LINGO2: variants seen among roughly 807,000 people sequenced by gnomAD.
LINGO2 encodes the protein leucine rich repeat and Ig domain containing 2.
Under a neutral mutation model 30.6 loss-of-function variants are expected in LINGO2, and 14 were observed. That is an observed-to-expected ratio of 0.46 (90% CI 0.30 to 0.72). The LOEUF is 0.72. Ranked by LOEUF, LINGO2 falls within the 30% of genes least tolerant of loss-of-function variation. The pLI is 0.07. For synonymous variants in LINGO2, 317 were observed against 288.5 expected (o/e 1.10, Z -1.00); for missense variants, 729 against 751.7 (o/e 0.97, Z 0.35).
chr9:28,333,471 C>G (rs953241858), intron 3 of LINGO2, among the ~76,000 whole-genome samples: 1 of 152,054 alleles, frequency 6.6e-6, no homozygotes, highest in Non-Finnish European at 1.5e-5. Context: ...AACTGCATGG[C>G]AAAGTCAAGC....
the LINGO2 span, among the ~76,000 whole-genome samples, chr9:28,868,615 GT>G: frequency 6.6e-6 from 1 of 152,092 alleles, no homozygotes; most frequent in Non-Finnish European, 1.5e-5. Flanking sequence ...GAATAAATGA[GT>G]GCCCCTTTGG....
At chr9:28,123,405 G>A (rs1264388751) in intron 4 of LINGO2, among the ~76,000 whole-genome samples, 1 of 152,134 alleles carries the variant, frequency 6.6e-6, no homozygotes, top group Non-Finnish European at 1.5e-5. Context: ...GGTCAGCAGT[G>A]TCTTCCTGTT....
chr9:27,974,882 G>C (rs1820524057), intron 5 of LINGO2, among the ~76,000 whole-genome samples: 1 of 152,114 alleles, frequency 6.6e-6, no homozygotes, highest in Admixed American at 6.6e-5. Flanking sequence ...TTTAATTCTA[G>C]AAAATTTTGA....
the LINGO2 span, among the ~76,000 whole-genome samples, chr9:28,786,102 G>T: frequency 6.6e-6 from 1 of 152,154 alleles, no homozygotes; most frequent in South Asian, 2.1e-4. Context: ...CTCAAGGCCT[G>T]CTGTGCAAAT....
chr9:28,236,438 AC>A (rs1350268789), intron 4 of LINGO2, among the ~76,000 whole-genome samples: 2 of 152,198 alleles, frequency 1.3e-5, no homozygotes, highest in African/African-American at 4.8e-5. Flanking sequence ...ATAGTTTAAC[AC>A]AGTAATTGTA....
chr9:28,149,277 C>T (rs1312369244), intron 4 of LINGO2: 1 of 624,674 alleles, frequency 1.6e-6, no homozygotes, highest in Non-Finnish European at 2.8e-6. Context: ...ATCAGGAGGT[C>T]AAGAGATTGA....
chr9:28,375,905 T>C (rs1587569502), intron 2 of LINGO2, among the ~76,000 whole-genome samples: 1 of 152,240 alleles, frequency 6.6e-6, no homozygotes, highest in Non-Finnish European at 1.5e-5. Context: ...TCAAGCTATA[T>C]CCTACACCAA....
intron 1 of LINGO2, among the ~76,000 whole-genome samples, chr9:28,506,479 C>CATATATATATATATATAT (rs1262674322): frequency 1.8e-4 from 2 of 11,364 alleles, no homozygotes; most frequent in Admixed American, 1.1e-3. Context: ...CACACACACA[C>CATATATATATATATATAT]ATACACATAC....
At chr9:28,112,066 G>A (rs1158300897) in intron 4 of LINGO2, among the ~76,000 whole-genome samples, 1 of 102,658 alleles carries the variant, frequency 9.7e-6, no homozygotes, top group East Asian at 3.1e-4. Flanking sequence ...CCCCTCCCCC[G>A]ACCCCACCAC....
chr9:27,955,914 C>T (rs1169868113), intron 5 of LINGO2, among the ~76,000 whole-genome samples: 1 of 151,136 alleles, frequency 6.6e-6, no homozygotes, highest in East Asian at 1.9e-4. Flanking sequence ...TGTTCCATAT[C>T]CCCTTCGACA....
chr9:28,516,932 T>C (rs1759396589), intron 1 of LINGO2, among the ~76,000 whole-genome samples: 1 of 152,220 alleles, frequency 6.6e-6, no homozygotes, highest in Non-Finnish European at 1.5e-5. Context: ...ACAATGTCTA[T>C]TTAGAGCAAT....
chr9:28,561,780 T>TATATAAAATATGCTACTAGAACTGA (rs1823096229), intron 1 of LINGO2, among the ~76,000 whole-genome samples: 1 of 107,642 alleles, frequency 9.3e-6, no homozygotes. Flanking sequence ...TATATATATA[T>TATATAAAATATGCTACTAGAACTGA]AAAAAATATG....
At chr9:27,985,342 A>G (rs984950130) in intron 5 of LINGO2, among the ~76,000 whole-genome samples, 1 of 151,954 alleles carries the variant, frequency 6.6e-6, no homozygotes, top group African/African-American at 2.4e-5. Flanking sequence ...AAGGCATCAA[A>G]CATAAAATTT....
At chr9:28,226,439 A>G (rs1167304090) in intron 4 of LINGO2, among the ~76,000 whole-genome samples, 1 of 152,042 alleles carries the variant, frequency 6.6e-6, no homozygotes, top group Non-Finnish European at 1.5e-5. Flanking sequence ...CACGTCTGCT[A>G]TATTAATTAT....
At chr9:28,588,437 G>T (rs1323167598) in intron 1 of LINGO2, among the ~76,000 whole-genome samples, 1 of 151,844 alleles carries the variant, frequency 6.6e-6, no homozygotes, top group Admixed American at 6.6e-5. Flanking sequence ...AAAAAGAAAA[G>T]GGGCTTCCTG....
chr9:28,123,538 T>C (rs1279320433), intron 4 of LINGO2, among the ~76,000 whole-genome samples: 3 of 152,224 alleles, frequency 2.0e-5, no homozygotes, highest in Non-Finnish European at 2.9e-5. Context: ...ATAGTCCTCA[T>C]GGCACAGAAT....
chr9:28,088,261 T>C lies in LINGO2; in HGVS notation c.-86-75856A>G, dbSNP rs75944923. On this transcript the variant is annotated intron_variant, in intron 4 of 5. Transcript: ENST00000379992. Reference sequence around the variant, plus strand: ...ACATATAATGGTTTAGTACAACTAATGGGTACATAAATGGAAAAAGTGATG... The same window carrying C: ...ACATATAATGGTTTAGTACAACTAACGGGTACATAAATGGAAAAAGTGATG... Among the ~76,000 whole-genome samples, 25 of 151,510 alleles carry C rather than the reference T, an allele frequency of 1.7e-4. No individual in the cohort carries two copies. In the East Asian group the frequency reaches 4.9e-3, roughly 30 times the overall value.
At chr9:28,158,652 C>T (rs182251366) in intron 4 of LINGO2, among the ~76,000 whole-genome samples, 349 of 152,174 alleles carry the variant, frequency 2.3e-3, no homozygotes, top group African/African-American at 6.7e-3. Context: ...GTTATGATAT[C>T]CCTAGGGTAA....
At chr9:28,999,187 A>T in the LINGO2 span, among the ~76,000 whole-genome samples, 1 of 152,096 alleles carries the variant, frequency 6.6e-6, no homozygotes, top group Non-Finnish European at 1.5e-5. Flanking sequence ...GGTTTTAATG[A>T]CATTACTCAG....
Sources: allele counts gnomAD v4.1 joint callset (sites outside exome capture counted in the v4.1 genomes callset), GRCh38; gene constraint gnomAD v4.1.1; transcripts MANE v1.5; gene names NCBI Gene and HGNC (gene_info 2026-07-23, HGNC 2026-07-21).